CPNE5: variants seen among roughly 807,000 people sequenced by gnomAD.
CPNE5 encodes the protein copine-5.
CPNE5 carries 42 observed loss-of-function variants against 81.1 expected under a neutral mutation model. That is an observed-to-expected ratio of 0.52 (90% CI 0.40 to 0.67). The LOEUF is 0.67. CPNE5 is among the 30% of genes least tolerant of loss of function. The probability of loss-of-function intolerance (pLI) is 0.00; values close to 1 mark genes in which losing one functional copy is unlikely to be tolerated. For synonymous variants in CPNE5, 313 were observed against 321.5 expected (o/e 0.97, Z 0.28); for missense variants, 612 against 815.5 (o/e 0.75, Z 3.04).
At chr6:36,781,804 G>A (rs554813692) in intron 8 of CPNE5, among the ~76,000 whole-genome samples, 3 of 152,260 alleles carry the variant, frequency 2.0e-5, no homozygotes, top group Admixed American at 6.5e-5. Flanking sequence ...ACAGGTCCCC[G>A]TGTGACTACA....
At position 36,839,004 on chromosome 6, in the gene CPNE5, G is replaced by A. The variant is rs1311155715; in HGVS notation, c.95+279C>T. Reference sequence around the variant, plus strand: ...TTTACCAACTCCCTCTCCCCACTTGGGTGCCTGGACCCCCTGTTCCTGTGT... The same window carrying A: ...TTTACCAACTCCCTCTCCCCACTTGAGTGCCTGGACCCCCTGTTCCTGTGT... On this transcript the variant is annotated intron_variant, in intron 1 of 20. Transcript: ENST00000244751. This position sits in a 1 kb window ranked among gnomAD's most constrained non-coding sequence, Gnocchi z 7.3. 6.6e-6 allele frequency among the ~76,000 whole-genome samples: 1 copy of A among 152,114 alleles called. No individual in the cohort carries two copies. The highest frequency in any genetic ancestry group is 1.5e-5 in the Non-Finnish European group (1 of 68,004).
intron 13 of CPNE5, chr6:36,755,665 G>T (rs11755091): frequency 0.15 from 23,041 of 156,682 alleles, 2,087 homozygotes; most frequent in African/African-American, 0.26. Flanking sequence ...ATTTGCTGAA[G>T]AAGCGTATGA....
chr6:36,761,277 A>G (rs1446184009), intron 12 of CPNE5, among the ~76,000 whole-genome samples: 1 of 152,244 alleles, frequency 6.6e-6, no homozygotes, highest in African/African-American at 2.4e-5. Context: ...AAAGCAATGT[A>G]CTGTATTAGA....
At chr6:36,770,070 A>G (rs1247791625) in intron 10 of CPNE5, among the ~76,000 whole-genome samples, 1 of 152,202 alleles carries the variant, frequency 6.6e-6, no homozygotes, top group Non-Finnish European at 1.5e-5. Flanking sequence ...AAATTCCAGG[A>G]AGGCAGGGGA....
intron 10 of CPNE5, among the ~76,000 whole-genome samples, chr6:36,767,831 C>T (rs2150428297): frequency 6.6e-6 from 1 of 152,330 alleles, no homozygotes; most frequent in South Asian, 2.1e-4. Flanking sequence ...GCAACCAGAG[C>T]CACTGACCTT....
intron 15 of CPNE5, among the ~76,000 whole-genome samples, chr6:36,747,602 G>A (rs1240064196): frequency 6.6e-6 from 1 of 152,192 alleles, no homozygotes; most frequent in Non-Finnish European, 1.5e-5. Context: ...CACCTGTAGA[G>A]GGCAAGACCT....
At chr6:36,767,009 C>A (rs768823463) in intron 10 of CPNE5, among the ~76,000 whole-genome samples, 5 of 152,128 alleles carry the variant, frequency 3.3e-5, no homozygotes, top group African/African-American at 4.8e-5. Flanking sequence ...CATGAGCCAC[C>A]ACACCTGGCT....
chr6:36,743,016 G>A, intron 20 of CPNE5: 1 of 985,400 alleles, frequency 1.0e-6, no homozygotes, highest in Non-Finnish European at 1.2e-6. Flanking sequence ...CCTTAGCATG[G>A]GCCGGTCCCA....
At chr6:36,748,192 C>A (rs757421974) in intron 15 of CPNE5, 29 bp downstream of exon 15, 1 of 1,610,892 alleles carries the variant, frequency 6.2e-7, no homozygotes, top group Non-Finnish European at 8.5e-7. Context: ...CTCCTCCCAC[C>A]CTGCTCCTCT....
At chr6:36,760,518 G>A (rs1259529741) in intron 12 of CPNE5, among the ~76,000 whole-genome samples, 2 of 152,162 alleles carry the variant, frequency 1.3e-5, no homozygotes, top group Non-Finnish European at 2.9e-5. Context: ...CCCCATAAGG[G>A]GGGAGATGAT....
intron 10 of CPNE5, among the ~76,000 whole-genome samples, chr6:36,770,716 C>T (rs1406982675): frequency 6.6e-6 from 1 of 152,152 alleles, no homozygotes; most frequent in Non-Finnish European, 1.5e-5. Context: ...GACTGCTGTC[C>T]CCTCCTGCTT....
intron 1 of CPNE5, chr6:36,827,480 T>A: frequency 1.0e-6 from 1 of 985,374 alleles, no homozygotes; most frequent in Middle Eastern, 5.2e-4. Context: ...GCCATGTTTA[T>A]CCAAGTGGCC....
intron 8 of CPNE5, among the ~76,000 whole-genome samples, chr6:36,785,728 T>A (rs1768469487): frequency 6.6e-6 from 1 of 151,952 alleles, no homozygotes; most frequent in South Asian, 2.1e-4. Flanking sequence ...TTTAAAAAAT[T>A]TAGGCCTGAC....
At chr6:36,743,062 T>TA in intron 20 of CPNE5, 1 of 985,388 alleles carries the variant, frequency 1.0e-6, no homozygotes, top group South Asian at 4.7e-5. Context: ...TCCAGCCCCC[T>TA]ATGTTTGGTC....
chr6:36,778,887 A>G lies in CPNE5; in HGVS notation c.599T>C (p.Phe200Ser). Residue 200 changes from phenylalanine to serine, a missense_variant, in exon 9 of 21, where the codon TTC (phenylalanine) becomes TCC (serine). Coordinates refer to ENST00000244751, the MANE Select transcript of CPNE5 (RefSeq NM_020939.2). Reference sequence around the variant, plus strand: ...CTCGTTGCTTCTGTAGAATACCAAGAAGGGGTCAGATTTCCCAAAGAAATC... The same window carrying G: ...CTCGTTGCTTCTGTAGAATACCAAGGAGGGGTCAGATTTCCCAAAGAAATC... The part of the protein sequence containing the change: ...KKDFFGKSDP[F>S]LVFYRSNEDG... The G allele has an allele frequency of 6.2e-7, 1 of 1,606,404 alleles. No individual in the cohort carries two copies. The highest frequency in any genetic ancestry group is 8.5e-7 in the Non-Finnish European group (1 of 1,173,496).
chr6:36,773,787 A>C (rs751648670), intron 10 of CPNE5, among the ~76,000 whole-genome samples: 16 of 151,534 alleles, frequency 1.1e-4, no homozygotes, highest in Non-Finnish European at 1.6e-4. Flanking sequence ...TGGTATCTAC[A>C]CTCAACAATC....
At chr6:36,759,930 G>A (rs11757761) in intron 12 of CPNE5, among the ~76,000 whole-genome samples, 12,230 of 152,064 alleles carry the variant, frequency 0.08, 546 homozygotes, top group East Asian at 0.17. Context: ...TGCACAGCCA[G>A]GCGTGGTGGC....
At position 36,829,975 on chromosome 6, in the gene CPNE5, G is replaced by A. The variant is rs79888514; in HGVS notation, c.96-6877C>T. 7.0e-4 allele frequency among the ~76,000 whole-genome samples: 107 copies of A among 152,128 alleles called. 2 individuals carry two copies. The East Asian group carries it at 0.018, about 26-fold the overall frequency. ...TGCATAAACATCTGGCAAATGGAGT[G>A]GGAGAGAGATGACACCCAACAAGTA... is the stretch of plus-strand genomic sequence containing the variant. On this transcript the variant is annotated intron_variant, in intron 1 of 20. Coordinates refer to ENST00000244751, the MANE Select transcript of CPNE5 (RefSeq NM_020939.2).
At chr6:36,768,272 T>TCAC (rs1301720224) in intron 10 of CPNE5, among the ~76,000 whole-genome samples, 9 of 123,048 alleles carry the variant, frequency 7.3e-5, no homozygotes. Flanking sequence ...TCTCGCTCTG[T>TCAC]CGCCCAAGCT....
Sources: allele counts gnomAD v4.1 joint callset (sites outside exome capture counted in the v4.1 genomes callset), GRCh38; gene constraint gnomAD v4.1.1; non-coding constraint Gnocchi (gnomAD v3.1); transcripts MANE v1.5; gene names NCBI Gene and HGNC (gene_info 2026-07-23, HGNC 2026-07-21).